The following KLF8 variants were observed in gnomAD, a reference collection of about 807,000 sequenced individuals.
KLF8 encodes the protein Krueppel-like factor 8.
In KLF8, 10 loss-of-function variants were observed where a neutral mutation model predicts 18.2. The ratio of observed to expected loss-of-function variants is 0.55; its 90% CI spans 0.34 to 0.93. KLF8 has a LOEUF of 0.93. Ranked by LOEUF, KLF8 falls within the 40% of genes least tolerant of loss-of-function variation. The pLI is 0.02. For synonymous variants in KLF8, 109 were observed against 97.3 expected (o/e 1.12, Z -0.71); for missense variants, 264 against 277.9 (o/e 0.95, Z 0.36).
chrX:56,155,250 A>G, the KLF8 span, among the ~76,000 whole-genome samples: 78 of 112,002 alleles, frequency 7.0e-4, no homozygotes, highest in African/African-American at 2.2e-3. Flanking sequence ...TGTGGCACAT[A>G]TACACCATGG....
chrX:56,074,087 T>C, the KLF8 span, among the ~76,000 whole-genome samples: 2 of 111,837 alleles, frequency 1.8e-5, no homozygotes, highest in Non-Finnish European at 3.8e-5. Context: ...TTGGCCATTT[T>C]TATTTCTTCT....
the KLF8 span, among the ~76,000 whole-genome samples, chrX:55,933,202 T>A: frequency 8.9e-6 from 1 of 112,017 alleles, no homozygotes; most frequent in Non-Finnish European, 1.9e-5. Flanking sequence ...CATTTGTATA[T>A]GTAACATAAG....
chrX:55,994,793 G>T, the KLF8 span, among the ~76,000 whole-genome samples: 1 of 111,797 alleles, frequency 8.9e-6, no homozygotes, highest in Admixed American at 9.5e-5. Context: ...TAGTTGGTAT[G>T]ATTTTGGGTT....
chrX:56,103,683 C>T, the KLF8 span, among the ~76,000 whole-genome samples: 1 of 111,244 alleles, frequency 9.0e-6, no homozygotes, highest in African/African-American at 3.3e-5. Context: ...TTCCTCTTTC[C>T]CTAATTGAAT....
At chrX:56,014,817 G>GTTTTTTTTTTTTTTTTTTTTT in the KLF8 span, 2 of 59,370 alleles carry the variant, frequency 3.4e-5, no homozygotes, top group Non-Finnish European at 5.7e-5. Context: ...ACAAGATCAT[G>GTTTTTTTTTTTTTTTTTTTTT]TTTTTTTTTT....
chrX:56,122,572 T>A, the KLF8 span, among the ~76,000 whole-genome samples: 2 of 111,369 alleles, frequency 1.8e-5, no homozygotes, highest in Non-Finnish European at 3.8e-5. Flanking sequence ...AATGACTTCA[T>A]GTGTTATTTT....
chrX:55,997,151 G>C, the KLF8 span, among the ~76,000 whole-genome samples: 1 of 111,890 alleles, frequency 8.9e-6, no homozygotes, highest in East Asian at 2.8e-4. Flanking sequence ...GGACCCTGGG[G>C]GAGGCTGATA....
the KLF8 span, among the ~76,000 whole-genome samples, chrX:56,218,275 T>C: frequency 8.1e-5 from 9 of 110,812 alleles, no homozygotes; most frequent in African/African-American, 3.0e-4. Flanking sequence ...TGAGGTAATA[T>C]ACTTAGGCTA....
At chrX:56,224,004 C>G in the KLF8 span, among the ~76,000 whole-genome samples, 2 of 110,751 alleles carry the variant, frequency 1.8e-5, no homozygotes, top group East Asian at 5.7e-4. Flanking sequence ...CTCCTGGGCT[C>G]AAGCTATCCT....
the KLF8 span, among the ~76,000 whole-genome samples, chrX:56,188,865 T>G: frequency 3.6e-5 from 4 of 111,930 alleles, no homozygotes; most frequent in Non-Finnish European, 7.5e-5. Flanking sequence ...ATTCAAAAAT[T>G]AATTCAAGAT....
chrX:55,984,183 G>T, the KLF8 span, among the ~76,000 whole-genome samples: 1 of 109,761 alleles, frequency 9.1e-6, no homozygotes, highest in Non-Finnish European at 1.9e-5. Flanking sequence ...TGTTACATAG[G>T]TAAACGTGTG....
Position 56,287,664 on chromosome X carries a change from A to G in KLF8, c.*3170A>G, listed in dbSNP as rs975301503. ...TGAAGAGTATGAACTGATTGGGTAG[A>G]TTAGGCAGAGTGCATTATGGGCAAG... On this transcript the variant is annotated 3_prime_UTR_variant, in exon 6 of 6. Coordinates refer to ENST00000468660, the MANE Select transcript of KLF8 (RefSeq NM_007250.5). 2 of 111,870 alleles carry G rather than the reference A, an allele frequency of 1.8e-5. No homozygotes were observed. Among genetic ancestry groups the G allele is most frequent in the African/African-American group, 3.2e-5 (1 of 30,802 alleles). The allele number at this position is 111,870 out of a possible 1,213,427, so 9.2% of individuals were successfully genotyped here.
At chrX:56,112,773 A>C in the KLF8 span, among the ~76,000 whole-genome samples, 1 of 112,352 alleles carries the variant, frequency 8.9e-6, no homozygotes, top group African/African-American at 3.2e-5. Context: ...TCATTCAACT[A>C]TTATACTTTT....
the KLF8 span, among the ~76,000 whole-genome samples, chrX:56,066,002 C>T: frequency 9.0e-6 from 1 of 111,257 alleles, no homozygotes; most frequent in Admixed American, 9.6e-5. Context: ...TTGTTGGACC[C>T]CAAACAGCTT....
At chrX:55,964,474 G>A in the KLF8 span, among the ~76,000 whole-genome samples, 5 of 111,333 alleles carry the variant, frequency 4.5e-5, no homozygotes, top group African/African-American at 1.6e-4. Context: ...CTACTTGGGA[G>A]GCTGAAGTGG....
the KLF8 span, among the ~76,000 whole-genome samples, chrX:56,103,680 T>C: frequency 2.7e-5 from 3 of 111,545 alleles, no homozygotes; most frequent in Non-Finnish European, 5.6e-5. Flanking sequence ...GACTTCCTCT[T>C]TCCCTAATTG....
the KLF8 span, among the ~76,000 whole-genome samples, chrX:56,022,495 G>C: frequency 1.1e-5 from 1 of 95,211 alleles, no homozygotes; most frequent in Non-Finnish European, 2.0e-5. Context: ...CTTGCGGTGA[G>C]CCGAGATCGC....
At chrX:56,118,292 G>A in the KLF8 span, among the ~76,000 whole-genome samples, 1 of 111,453 alleles carries the variant, frequency 9.0e-6, no homozygotes, top group African/African-American at 3.3e-5. Context: ...TACAATATCT[G>A]GCACCTATTG....
chrX:56,180,441 T>G, the KLF8 span, among the ~76,000 whole-genome samples: 1 of 111,253 alleles, frequency 9.0e-6, no homozygotes, highest in Non-Finnish European at 1.9e-5. Context: ...TTTTTCAGCG[T>G]TTTTTTGTGT....
Sources: gnomAD v4.1 joint callset for allele counts (sites outside exome capture counted in the v4.1 genomes callset) on GRCh38, gnomAD v4.1.1 for gene constraint, MANE v1.5 for transcripts, NCBI Gene and HGNC (gene_info 2026-07-23, HGNC 2026-07-21) for gene names.